The following PBRM1 variants were observed in gnomAD, a reference collection of about 807,000 sequenced individuals.
PBRM1 encodes protein polybromo-1.
A neutral mutation model predicts 194.5 loss-of-function variants in PBRM1; 27 were observed. That is an observed-to-expected ratio of 0.14 (90% confidence interval 0.10 to 0.19). The LOEUF (loss-of-function observed/expected upper bound fraction) is 0.19. PBRM1 is among the 10% of genes least tolerant of loss of function. The pLI is 1.00. For missense variants in PBRM1, 1,466 were observed against 2,077.2 expected (o/e 0.71, Z 5.72); for synonymous variants, 655 against 693.2 (o/e 0.94, Z 0.87).
chr3:52,565,639 GAATA>G (rs972503956), intron 22 of PBRM1, among the ~76,000 whole-genome samples: 1 of 151,894 alleles, frequency 6.6e-6, no homozygotes, highest in African/African-American at 2.4e-5. Flanking sequence ...CTAGTATACA[GAATA>G]TATATTCCTA....
chr3:52,580,616 C>A (rs937881262), intron 20 of PBRM1, among the ~76,000 whole-genome samples: 1 of 152,192 alleles, frequency 6.6e-6, no homozygotes, highest in African/African-American at 2.4e-5. Flanking sequence ...CCCGCCTTGG[C>A]CTCCCAAAGT....
intron 4 of PBRM1, among the ~76,000 whole-genome samples, chr3:52,660,194 A>T (rs916896660): frequency 6.6e-6 from 1 of 152,172 alleles, no homozygotes; most frequent in Non-Finnish European, 1.5e-5. Flanking sequence ...GGCAAGTCCT[A>T]AATACAGGCA....
chr3:52,642,473 G>A (rs894250132), intron 9 of PBRM1, among the ~76,000 whole-genome samples: 2 of 151,778 alleles, frequency 1.3e-5, no homozygotes, highest in Admixed American at 6.6e-5. Context: ...AAAATTAGCC[G>A]GGTGTGGTAG....
chr3:52,558,219 G>GA (rs1420084196), intron 26 of PBRM1, 30 bp downstream of exon 28: 2 of 1,460,406 alleles, frequency 1.4e-6, no homozygotes, highest in African/African-American at 1.4e-5. Flanking sequence ...TCTTAAAGTG[G>GA]AAAAAAATGG....
intron 13 of PBRM1, among the ~76,000 whole-genome samples, chr3:52,623,355 T>C (rs561405799): frequency 6.6e-6 from 1 of 152,220 alleles, no homozygotes; most frequent in Non-Finnish European, 1.5e-5. Flanking sequence ...TCAACCCTGT[T>C]TACAGGCTTT....
chr3:52,622,628 G>A (rs1374939445), intron 13 of PBRM1, among the ~76,000 whole-genome samples: 5 of 152,088 alleles, frequency 3.3e-5, no homozygotes, highest in East Asian at 1.9e-4. Context: ...GATCACCATC[G>A]ACACTATCCT....
At chr3:52,617,563 G>T in intron 13 of PBRM1, 25 bp from the exon 16 acceptor site, 1 of 1,556,108 alleles carries the variant, frequency 6.4e-7, no homozygotes, top group East Asian at 2.2e-5. Flanking sequence ...GTAGAAAAGG[G>T]GAAAAATTAG....
chr3:52,636,116 C>T (rs2095800160), intron 10 of PBRM1, among the ~76,000 whole-genome samples: 1 of 151,980 alleles, frequency 6.6e-6, no homozygotes, highest in African/African-American at 2.4e-5. Context: ...CGTGATCTGC[C>T]CGCCTCGGCC....
downstream of PBRM1, chr3:52,545,404 C>A (rs1559752856): frequency 4.3e-6 from 1 of 230,608 alleles, no homozygotes; most frequent in East Asian, 6.2e-5. Flanking sequence ...GATTAAAAAG[C>A]TTTAGATGAA....
intron 9 of PBRM1, 67 bp downstream of exon 10, chr3:52,643,181 G>T: frequency 1.8e-6 from 2 of 1,099,662 alleles, no homozygotes; most frequent in Non-Finnish European, 2.8e-6. Context: ...TAGCCATTGG[G>T]CAAATACTAG....
intron 17 of PBRM1, among the ~76,000 whole-genome samples, chr3:52,596,953 A>AC (rs1244397530): frequency 1.3e-5 from 2 of 151,984 alleles, no homozygotes; most frequent in African/African-American, 4.8e-5. Flanking sequence ...TTTATTTAGG[A>AC]CCCCAGAGCC....
At chr3:52,577,747 T>C (rs1015162871) in intron 21 of PBRM1, among the ~76,000 whole-genome samples, 7 of 152,210 alleles carry the variant, frequency 4.6e-5, no homozygotes, top group Non-Finnish European at 1.5e-5. Flanking sequence ...AGCATGATTG[T>C]TCTTGCCTGG....
chr3:52,640,011 G>A (rs995521106), intron 10 of PBRM1, among the ~76,000 whole-genome samples: 32 of 152,094 alleles, frequency 2.1e-4, no homozygotes, highest in African/African-American at 7.7e-4. Flanking sequence ...CCAGACTAAG[G>A]GTAGTGTTTT....
chr3:52,564,114 A>C, exon 23 of PBRM1: 1 of 1,613,950 alleles, frequency 6.2e-7, no homozygotes, highest in African/African-American at 1.3e-5. Context: ...AATCCTTTGA[A>C]TTTCTTCATC....
At chr3:52,591,606 G>A (rs1380416415) in intron 17 of PBRM1, among the ~76,000 whole-genome samples, 3 of 120,642 alleles carry the variant, frequency 2.5e-5, no homozygotes, top group Admixed American at 1.1e-4. Context: ...TGCAACCCCC[G>A]CCTCCCAAGT....
At chr3:52,569,207 A>C (rs148824910) in intron 22 of PBRM1, among the ~76,000 whole-genome samples, 125 of 149,818 alleles carry the variant, frequency 8.3e-4, no homozygotes, top group African/African-American at 2.9e-3. Flanking sequence ...TTTCTTTTTC[A>C]ATATGATTTT....
At chr3:52,639,304 G>C (rs2095972684) in intron 10 of PBRM1, among the ~76,000 whole-genome samples, 1 of 152,058 alleles carries the variant, frequency 6.6e-6, no homozygotes. Context: ...TTAAAACTCT[G>C]TATGCTCTCC....
intron 10 of PBRM1, among the ~76,000 whole-genome samples, chr3:52,641,089 T>C (rs2096061358): frequency 1.3e-5 from 2 of 152,094 alleles, no homozygotes; most frequent in Non-Finnish European, 2.9e-5. Context: ...TAATAGCCTA[T>C]AGTGATTATG....
At chr3:52,648,502 T>TA (rs2096392799) in intron 6 of PBRM1, 60 bp from the exon 8 acceptor site, 1 of 854,564 alleles carries the variant, frequency 1.2e-6, no homozygotes, top group Admixed American at 2.5e-5. Context: ...GTACAACCTT[T>TA]AAAAAAAGAA....
Sources: allele counts gnomAD v4.1 joint callset (sites outside exome capture counted in the v4.1 genomes callset), GRCh38; gene constraint gnomAD v4.1.1; transcripts MANE v1.5; gene names NCBI Gene and HGNC (gene_info 2026-07-23, HGNC 2026-07-21).